CHST11: variants seen among roughly 807,000 people sequenced by gnomAD.
The protein encoded by CHST11 is C4S-1.
CHST11 carries 9 observed loss-of-function variants against 30.4 expected under a neutral mutation model. That is an observed-to-expected ratio of 0.30 (90% CI 0.18 to 0.52). The LOEUF (loss-of-function observed/expected upper bound fraction) is 0.52, where lower values mean the gene tolerates loss of function less well. Ranked by LOEUF, CHST11 falls within the 20% of genes least tolerant of loss-of-function variation. The probability of loss-of-function intolerance (pLI) is 0.97; values close to 1 mark genes in which losing one functional copy is unlikely to be tolerated. For synonymous variants in CHST11, 152 were observed against 187.8 expected (o/e 0.81, Z 1.56); for missense variants, 348 against 460.6 (o/e 0.76, Z 2.24).
chr12:104,549,804 G>A (rs1270788329), intron 1 of CHST11, among the ~76,000 whole-genome samples: 1 of 152,188 alleles, frequency 6.6e-6, no homozygotes, highest in Non-Finnish European at 1.5e-5. Flanking sequence ...CTACTCGGGA[G>A]GCTGAGGTGG....
chr12:104,699,562 C>T (rs1459909955), intron 2 of CHST11, among the ~76,000 whole-genome samples: 2 of 152,194 alleles, frequency 1.3e-5, no homozygotes, highest in African/African-American at 2.4e-5. Context: ...TCACTGAGGA[C>T]ATGGTGCTTC....
At chr12:104,513,123 T>TTGGGG (rs1555229063) in intron 1 of CHST11, among the ~76,000 whole-genome samples, 3 of 3,390 alleles carry the variant, frequency 8.8e-4, no homozygotes, top group African/African-American at 4.4e-3. Flanking sequence ...ATGTCATGAC[T>TTGGGG]GGGGGGGGGG....
intron 1 of CHST11, among the ~76,000 whole-genome samples, chr12:104,468,894 T>C (rs1053983239): frequency 3.9e-5 from 6 of 152,114 alleles, no homozygotes; most frequent in African/African-American, 1.4e-4. Flanking sequence ...TGAAAATGCA[T>C]TGGGAATGGA....
chr12:104,574,622 C>T (rs1305488221), intron 1 of CHST11, among the ~76,000 whole-genome samples: 2 of 151,946 alleles, frequency 1.3e-5, no homozygotes, highest in East Asian at 3.9e-4. Flanking sequence ...AAAAACCAAA[C>T]ACCGCATGTT....
chr12:104,524,039 C>CTTTTT (rs10594720), intron 1 of CHST11, among the ~76,000 whole-genome samples: 4 of 128,044 alleles, frequency 3.1e-5, no homozygotes, highest in African/African-American at 1.2e-4. Flanking sequence ...TTCTTTCTTT[C>CTTTTT]TTTTTTTTTT....
intron 1 of CHST11, among the ~76,000 whole-genome samples, chr12:104,596,111 C>T (rs4964824): frequency 0.57 from 86,040 of 152,098 alleles, 24,733 homozygotes; most frequent in East Asian, 0.77. Context: ...AATTGCCTGT[C>T]TTTGCAGGAG....
At chr12:104,685,817 C>T (rs746472393) in intron 2 of CHST11, among the ~76,000 whole-genome samples, 3 of 152,146 alleles carry the variant, frequency 2.0e-5, no homozygotes, top group Non-Finnish European at 2.9e-5. Context: ...GTGTTCTCTG[C>T]CTATTCCCTT....
intron 2 of CHST11, among the ~76,000 whole-genome samples, chr12:104,662,394 A>C (rs1192365520): frequency 6.6e-6 from 1 of 152,234 alleles, no homozygotes; most frequent in Non-Finnish European, 1.5e-5. Context: ...TGTAAATGGC[A>C]GAACTCCATA....
chr12:104,617,611 A>G (rs1027707917), intron 2 of CHST11, among the ~76,000 whole-genome samples: 20 of 152,170 alleles, frequency 1.3e-4, no homozygotes, highest in African/African-American at 4.3e-4. Context: ...AGGTTTCCTC[A>G]TCTGGAAAGC....
At chr12:104,589,431 A>G (rs1378375983) in intron 1 of CHST11, among the ~76,000 whole-genome samples, 1 of 151,616 alleles carries the variant, frequency 6.6e-6, no homozygotes, top group African/African-American at 2.4e-5. Flanking sequence ...TCAAATTCAT[A>G]GAGACAGGAA....
intron 1 of CHST11, among the ~76,000 whole-genome samples, chr12:104,583,059 G>A (rs552298984): frequency 6.6e-6 from 1 of 152,116 alleles, no homozygotes; most frequent in Non-Finnish European, 1.5e-5. Flanking sequence ...AACTTGGAGG[G>A]AATTTTAATA....
chr12:104,679,910 C>G (rs146143151), intron 2 of CHST11, among the ~76,000 whole-genome samples: 210 of 152,304 alleles, frequency 1.4e-3, no homozygotes, highest in African/African-American at 4.9e-3. Context: ...CACAACAAAA[C>G]CCCTCTGGTT....
chr12:104,508,482 A>AT (rs1420476254), intron 1 of CHST11, among the ~76,000 whole-genome samples: 2 of 152,230 alleles, frequency 1.3e-5, no homozygotes. Context: ...CAGAGTTTAC[A>AT]TTTTCCCTGT....
At chr12:104,660,668 A>C (rs2039590821) in intron 2 of CHST11, among the ~76,000 whole-genome samples, 1 of 152,140 alleles carries the variant, frequency 6.6e-6, no homozygotes, top group African/African-American at 2.4e-5. Context: ...TACTCCTTCT[A>C]TCCCAGGCCC....
intron 2 of CHST11, among the ~76,000 whole-genome samples, chr12:104,703,694 G>A (rs918804759): frequency 6.6e-6 from 1 of 152,092 alleles, no homozygotes; most frequent in African/African-American, 2.4e-5. Context: ...GGCCTGTGAG[G>A]CCTGGCACTG....
intron 1 of CHST11, among the ~76,000 whole-genome samples, chr12:104,558,519 C>T (rs955835960): frequency 2.0e-5 from 3 of 150,272 alleles, no homozygotes; most frequent in South Asian, 2.2e-4. Context: ...TATTGTCATT[C>T]TCTCTGTTCA....
chr12:104,482,947 T>C (rs913956594), intron 1 of CHST11, among the ~76,000 whole-genome samples: 9 of 152,176 alleles, frequency 5.9e-5, no homozygotes, highest in Non-Finnish European at 1.2e-4. Flanking sequence ...GGAGTCAGCA[T>C]GGGAGAAAGT....
chr12:104,595,971 C>T (rs1037569636), intron 1 of CHST11, among the ~76,000 whole-genome samples: 9 of 152,198 alleles, frequency 5.9e-5, no homozygotes, highest in African/African-American at 1.9e-4. Flanking sequence ...TGGGGATCTC[C>T]TTGGACCAGG....
intron 1 of CHST11, among the ~76,000 whole-genome samples, chr12:104,555,651 G>T (rs1365787608): frequency 6.6e-6 from 1 of 152,214 alleles, no homozygotes; most frequent in Non-Finnish European, 1.5e-5. Flanking sequence ...TCCAGGATGG[G>T]GGTTGGGCCC....
Sources: gnomAD v4.1 joint callset for allele counts (sites outside exome capture counted in the v4.1 genomes callset) on GRCh38, gnomAD v4.1.1 for gene constraint, MANE v1.5 for transcripts, NCBI Gene and HGNC (gene_info 2026-07-23, HGNC 2026-07-21) for gene names.